CUBN: variants seen among roughly 807,000 people sequenced by gnomAD.
CUBN encodes the protein cubilin.
CUBN carries 282 observed loss-of-function variants against 405.3 expected under a neutral mutation model. That is an observed-to-expected ratio of 0.70 (90% CI 0.63 to 0.77). The LOEUF (loss-of-function observed/expected upper bound fraction) is 0.77, where lower values mean the gene tolerates loss of function less well. Among genes scored for constraint, CUBN ranks in the 30% least tolerant of loss-of-function variants. CUBN has a pLI of 0.00. For synonymous variants in CUBN, 1,684 were observed against 1,617.0 expected, an observed-to-expected ratio of 1.04 and a Z score of -0.99; for missense variants, 4,514 against 4,475.2, an observed-to-expected ratio of 1.01 and a Z score of -0.25.
chr10:16,952,448 A>G lies in CUBN; in HGVS notation c.4856-59T>C, dbSNP rs184245559. ...TGCTTTTCATTTCTACTGACCGTAC[A>G]AAACAATTATTTGATGAATAAAACC... On this transcript the variant is annotated intron_variant, in intron 32 of 66. Coordinates refer to ENST00000377833, the MANE Select transcript of CUBN (RefSeq NM_001081.4). 6 of 1,031,910 alleles carry G rather than the reference A, an allele frequency of 5.8e-6. No homozygotes were observed. The Admixed American group carries it at 8.5e-5, about 15-fold the overall frequency. 63.9% of individuals were successfully genotyped at this position (1,031,910 alleles called of 1,614,324 possible).
At position 16,981,135 on chromosome 10, in the gene CUBN, G is replaced by A. The variant is rs144374636; in HGVS notation, c.4695+1349C>T. On this transcript the variant is annotated intron_variant, in intron 31 of 66. Transcript: ENST00000377833. ...AATGTTGCCTTTTGGCCTGCCCTGC[G>A]CCCATCTGGTGCCCATAAGAACTCC... 7.8e-4 allele frequency among the ~76,000 whole-genome samples: 115 copies of A among 147,932 alleles called. 3 individuals carry two copies. In the East Asian group the frequency reaches 0.016, roughly 21 times the overall value.
At chr10:17,049,779 T>C (rs1435186895) in intron 22 of CUBN, among the ~76,000 whole-genome samples, 1 of 152,228 alleles carries the variant, frequency 6.6e-6, no homozygotes, top group African/African-American at 2.4e-5. Context: ...ACCCATCATT[T>C]AAGGTTGGCT....
rs1421266699 is a variant in CUBN at position 16,918,647 on chromosome 10, C to A, written c.6975G>T (p.Val2325=). The change falls in exon 45 of 67, where the codon GTG becomes GTT. Residue 2325 remains valine, a synonymous_variant. Transcript: ENST00000377833. Reference sequence around the variant, plus strand: ...CTATAGAATACTTGGCCTTGAATCCCACATGTGTGGGGCTGTTGTCAGATC... The same window carrying A: ...CTATAGAATACTTGGCCTTGAATCCAACATGTGTGGGGCTGTTGTCAGATC... The part of the protein sequence containing the change: ...RFRSDNSPTH[V]GFKAKYSIAQ... 2 of 1,613,812 alleles carry A rather than the reference C, an allele frequency of 1.2e-6. No individual in the cohort carries two copies. The highest frequency in any genetic ancestry group is 2.2e-5 in the South Asian group (2 of 91,060).
intron 28 of CUBN, among the ~76,000 whole-genome samples, chr10:17,018,199 T>C (rs983780379): frequency 6.6e-6 from 1 of 152,048 alleles, no homozygotes; most frequent in Non-Finnish European, 1.5e-5. Context: ...AGGTGCCCGG[T>C]ATATAGCCCC....
At chr10:16,863,031 T>C (rs548249080) in intron 59 of CUBN, among the ~76,000 whole-genome samples, 1 of 152,248 alleles carries the variant, frequency 6.6e-6, no homozygotes, top group African/African-American at 2.4e-5. Flanking sequence ...TGTTGAAATA[T>C]GTTTATTAAG....
intron 27 of CUBN, among the ~76,000 whole-genome samples, chr10:17,020,700 T>C (rs1014626462): frequency 6.6e-6 from 1 of 152,206 alleles, no homozygotes; most frequent in Non-Finnish European, 1.5e-5. Context: ...GAGCTATGTA[T>C]TTAATTGTGT....
At position 16,829,946 on chromosome 10, in the gene CUBN, T is replaced by G. The variant is rs979407245; in HGVS notation, c.10529-906A>C. Among the ~76,000 whole-genome samples, 11 of 151,920 alleles carry G rather than the reference T, an allele frequency of 7.2e-5. No individual in the cohort carries two copies. The East Asian group carries it at 7.7e-4, about 11-fold the overall frequency. ...ATGGTGGGTTTTTTTTGTTTTGTTTTTTTTTTTGAGACGGAGTCTTGCTCC... is the reference window on the plus strand; with the variant it reads ...ATGGTGGGTTTTTTTTGTTTTGTTTGTTTTTTTGAGACGGAGTCTTGCTCC... On this transcript the variant is annotated intron_variant, in intron 65 of 66. Coordinates refer to ENST00000377833, the MANE Select transcript of CUBN (RefSeq NM_001081.4).
intron 4 of CUBN, among the ~76,000 whole-genome samples, chr10:17,124,060 G>T (rs1221007199): frequency 1.3e-5 from 2 of 152,174 alleles, no homozygotes; most frequent in African/African-American, 4.8e-5. Context: ...ATTGCACAAA[G>T]AAAATAAAAT....
chr10:16,926,534 G>A (rs117909190), intron 41 of CUBN, among the ~76,000 whole-genome samples: 2,832 of 152,144 alleles, frequency 0.019, 38 homozygotes, highest in Non-Finnish European at 0.027. Context: ...TGAGGCCAAG[G>A]AGAGATGATA....
At chr10:17,115,363 T>A (rs1836868341) in intron 7 of CUBN, 108 bp downstream of exon 7, 2 of 1,429,790 alleles carry the variant, frequency 1.4e-6, no homozygotes, top group African/African-American at 2.8e-5. Flanking sequence ...AGGAAGTGAC[T>A]TCACCTCTGT....
At chr10:16,850,118 C>T (rs535051590) in intron 60 of CUBN, among the ~76,000 whole-genome samples, 5 of 152,314 alleles carry the variant, frequency 3.3e-5, no homozygotes, top group African/African-American at 1.2e-4. Context: ...TTTTCCCTCG[C>T]TCTATCAAGT....
At chr10:16,889,974 A>C (rs1437807325) in intron 55 of CUBN, among the ~76,000 whole-genome samples, 1 of 149,512 alleles carries the variant, frequency 6.7e-6, no homozygotes, top group Non-Finnish European at 1.5e-5. Context: ...TTCGTCATGG[A>C]AATTCTGAAT....
chr10:17,080,297 G>A (rs921599607), intron 17 of CUBN, among the ~76,000 whole-genome samples: 6 of 152,052 alleles, frequency 3.9e-5, no homozygotes, highest in Admixed American at 3.9e-4. Flanking sequence ...TACAATTTCT[G>A]CTTTGTTAAT....
At chr10:17,013,867 A>G (rs1834254561) in intron 28 of CUBN, among the ~76,000 whole-genome samples, 2 of 152,180 alleles carry the variant, frequency 1.3e-5, no homozygotes, top group Admixed American at 1.3e-4. Flanking sequence ...AACTTTCATC[A>G]GTATATAGGT....
intron 8 of CUBN, among the ~76,000 whole-genome samples, chr10:17,111,443 G>A (rs187965951): frequency 3.3e-5 from 5 of 152,058 alleles, no homozygotes; most frequent in Non-Finnish European, 7.4e-5. Flanking sequence ...GTAGGTAAGA[G>A]GATGTCTACC....
chr10:17,010,635 T>C (rs749041286), intron 28 of CUBN, among the ~76,000 whole-genome samples: 15 of 147,988 alleles, frequency 1.0e-4, no homozygotes, highest in Non-Finnish European at 1.9e-4. Flanking sequence ...CAAGATCCTA[T>C]CTTGATAAAT....
chr10:17,007,023 A>G (rs1834045253), intron 28 of CUBN, among the ~76,000 whole-genome samples: 1 of 152,110 alleles, frequency 6.6e-6, no homozygotes, highest in African/African-American at 2.4e-5. Flanking sequence ...CTCGCTCACA[A>G]AGCTCCTTGA....
rs890635610 is a variant in CUBN at position 16,890,915 on chromosome 10, G to T, written c.8599-388C>A. On this transcript the variant is annotated intron_variant, in intron 54 of 66. Coordinates refer to ENST00000377833, the MANE Select transcript of CUBN (RefSeq NM_001081.4). ...CCTGCTCCTGGGAAGATAGCAGATT[G>T]TGGTCACAGCTGGACAACACCAGCA... Among the ~76,000 whole-genome samples the T allele has an allele frequency of 3.9e-5, 6 of 152,310 alleles. No homozygotes were observed. The East Asian group carries it at 1.2e-3, about 29-fold the overall frequency.
In CUBN at chr10:17,011,710, G is replaced by A. The variant is rs371319141; in HGVS notation, c.4168+8123C>T. On this transcript the variant is annotated intron_variant, in intron 28 of 66. Transcript: ENST00000377833. ...CACTGATTGGTCCATTTTACAGAGCGCAGATTGGTCCATTTTTACAGAGTG... is the reference window on the plus strand; with the variant it reads ...CACTGATTGGTCCATTTTACAGAGCACAGATTGGTCCATTTTTACAGAGTG... 1.8e-4 allele frequency among the ~76,000 whole-genome samples: 27 copies of A among 152,112 alleles called. 2 individuals carry two copies. The highest frequency in any genetic ancestry group is 2.6e-4 in the Admixed American group (4 of 15,282).
Sources: allele counts gnomAD v4.1 joint callset (sites outside exome capture counted in the v4.1 genomes callset), GRCh38; gene constraint gnomAD v4.1.1; transcripts MANE v1.5; gene names NCBI Gene and HGNC (gene_info 2026-07-23, HGNC 2026-07-21).